C17orf67: variants seen among roughly 807,000 people sequenced by gnomAD.
C17orf67 encodes the protein uncharacterized protein C17orf67.
A neutral mutation model predicts 11.2 loss-of-function variants in C17orf67; 12 were observed. The ratio of observed to expected loss-of-function variants is 1.07; its 90% CI spans 0.68 to 1.73. The LOEUF (loss-of-function observed/expected upper bound fraction) is 1.73. Ranked by LOEUF, C17orf67 falls within the 40% of genes most tolerant of loss-of-function variation. The pLI, the probability that C17orf67 is intolerant of heterozygous loss-of-function variation, is 0.00. For synonymous variants in C17orf67, 59 were observed against 46.9 expected (o/e 1.26, Z -1.05); for missense variants, 115 against 113.5 (o/e 1.01, Z -0.06).
chr17:56,805,395 C>A (rs997170374), intron 6 of C17orf67, among the ~76,000 whole-genome samples: 4 of 152,098 alleles, frequency 2.6e-5, no homozygotes, highest in African/African-American at 7.2e-5. Context: ...GTTGCCTATA[C>A]AAAACCCTAC....
chr17:56,809,372 G>A (rs1039595102), intron 6 of C17orf67, among the ~76,000 whole-genome samples: 2 of 151,812 alleles, frequency 1.3e-5, no homozygotes, highest in Non-Finnish European at 2.9e-5. Flanking sequence ...ACAACCTGGC[G>A]ATGCCATCTG....
At chr17:56,823,079 G>A (rs1012583771) in intron 4 of C17orf67, among the ~76,000 whole-genome samples, 5 of 152,202 alleles carry the variant, frequency 3.3e-5, no homozygotes, top group African/African-American at 1.2e-4. Context: ...GCAGAATCAC[G>A]TAAGATGGGT....
chr17:56,793,016 G>T (rs1049825215), intron 7 of C17orf67, among the ~76,000 whole-genome samples: 1 of 151,058 alleles, frequency 6.6e-6, no homozygotes, highest in Non-Finnish European at 1.5e-5. Context: ...TGATGATGAT[G>T]ATGAAGAACA....
intron 2 of C17orf67, among the ~76,000 whole-genome samples, chr17:56,830,339 C>T (rs1328505145): frequency 2.0e-5 from 3 of 146,792 alleles, no homozygotes; most frequent in South Asian, 2.1e-4. Flanking sequence ...AGCGAGACTC[C>T]GTCTCAAAAA....
intron 4 of C17orf67, among the ~76,000 whole-genome samples, chr17:56,817,368 T>C (rs1212034016): frequency 1.3e-5 from 2 of 152,170 alleles, no homozygotes; most frequent in East Asian, 1.9e-4. Context: ...CATAAAGATA[T>C]TTTGAGCAGA....
chr17:56,814,737 C>T, intron 6 of C17orf67, 132 bp downstream of exon 6: 3 of 827,132 alleles, frequency 3.6e-6, no homozygotes, highest in Non-Finnish European at 6.1e-6. Flanking sequence ...ATTGAGATTG[C>T]AGCTATCTTC....
At chr17:56,823,390 G>C (rs550428937) in intron 4 of C17orf67, among the ~76,000 whole-genome samples, 1 of 151,650 alleles carries the variant, frequency 6.6e-6, no homozygotes, top group Non-Finnish European at 1.5e-5. Flanking sequence ...GAAAAGTAAA[G>C]ACAAAAAAGA....
chr17:56,815,882 T>C lies in C17orf67; in HGVS notation c.-72A>G, dbSNP rs769298437. ...GAGTCAGCCAACTTGAAGGAAGCCA[T>C]GCCAGGCCCTGCGCTTGTTTATGCT... On this transcript the variant is annotated 5_prime_UTR_variant, in exon 5 of 8. An upstream start codon of the reference 5' UTR is lost. Coordinates refer to ENST00000397861, the MANE Select transcript of C17orf67 (RefSeq NM_001085430.4). 2.5e-6 allele frequency: 4 copies of C among 1,607,224 alleles called. No homozygotes were observed. Among genetic ancestry groups the C allele is most frequent in the Non-Finnish European group, 3.4e-6 (4 of 1,176,194 alleles).
chr17:56,800,093 T>A (rs1905285548), intron 6 of C17orf67, among the ~76,000 whole-genome samples: 1 of 128,098 alleles, frequency 7.8e-6, no homozygotes, highest in Non-Finnish European at 1.6e-5. Flanking sequence ...TGAGACGGAG[T>A]CTCGCTCTGT....
chr17:56,805,124 G>C lies in C17orf67; in HGVS notation c.156+9745C>G, dbSNP rs115196366. ...AACAGTCTAGTAGACAGACATAAAA[G>C]AGTCAAAAATAGCAACCTTGCGCTG... On this transcript the variant is annotated intron_variant, in intron 6 of 7. Coordinates refer to ENST00000397861, the MANE Select transcript of C17orf67 (RefSeq NM_001085430.4). 6.3e-3 allele frequency among the ~76,000 whole-genome samples: 956 copies of C among 152,298 alleles called. 14 individuals carry two copies. Among genetic ancestry groups the C allele is most frequent in the African/African-American group, 0.022 (907 of 41,554 alleles).
chr17:56,815,323 G>A (rs1357258866), intron 5 of C17orf67, among the ~76,000 whole-genome samples: 2 of 152,058 alleles, frequency 1.3e-5, no homozygotes, highest in South Asian at 2.1e-4. Flanking sequence ...ACTAAATCAA[G>A]TTTAAAGTCA....
At chr17:56,809,019 G>A in intron 6 of C17orf67, among the ~76,000 whole-genome samples, 1 of 152,002 alleles carries the variant, frequency 6.6e-6, no homozygotes, top group East Asian at 1.9e-4. Flanking sequence ...CGGTGATTTA[G>A]TGTGGAGGGG....
intron 6 of C17orf67, among the ~76,000 whole-genome samples, chr17:56,800,442 G>A (rs1421080898): frequency 6.6e-6 from 1 of 152,118 alleles, no homozygotes; most frequent in Admixed American, 6.5e-5. Context: ...CTGGTCTCAG[G>A]AGAAAGTTCT....
At position 56,795,308 on chromosome 17, in the gene C17orf67, G is replaced by A. The variant is rs530031147; in HGVS notation, c.157-128C>T. 1.2e-4 allele frequency: 94 copies of A among 779,532 alleles called. No individual in the cohort carries two copies. The African/African-American group carries it at 1.4e-3, about 12-fold the overall frequency. 48.3% of individuals were successfully genotyped at this position (779,532 alleles called of 1,614,324 possible). A position where few individuals can be genotyped will look rare whatever the true frequency, so the allele number is the denominator to read the frequency against. ...GGACAGGCAGGGAGAAGAAATCAAC[G>A]GCCACACCCATGCCTCTCTGTAGGG... On this transcript the variant is annotated intron_variant, in intron 6 of 7. Coordinates refer to ENST00000397861, the MANE Select transcript of C17orf67 (RefSeq NM_001085430.4).
In C17orf67 at chr17:56,830,877, C is replaced by T. The variant is rs77820419; in HGVS notation, c.-557+2021G>A. 8.8e-3 allele frequency among the ~76,000 whole-genome samples: 1,343 copies of T among 152,212 alleles called. 22 individuals are homozygous for T. Among genetic ancestry groups the T allele is most frequent in the African/African-American group, 0.03 (1,243 of 41,522 alleles). Reference sequence around the variant, plus strand: ...GCAAGGCCTCTGTCGGGAGGGAGCACCTGGGCAACGAAGACATAGGGAAGA... The same window carrying T: ...GCAAGGCCTCTGTCGGGAGGGAGCATCTGGGCAACGAAGACATAGGGAAGA... On this transcript the variant is annotated intron_variant, in intron 2 of 7. Coordinates refer to ENST00000397861, the MANE Select transcript of C17orf67 (RefSeq NM_001085430.4).
intron 4 of C17orf67, among the ~76,000 whole-genome samples, chr17:56,818,640 CTTTTT>C (rs1236713145): frequency 6.6e-6 from 1 of 152,034 alleles, no homozygotes; most frequent in African/African-American, 2.4e-5. Context: ...TCAGTAGCCA[CTTTTT>C]TTAAGTAAAA....
chr17:56,812,824 G>GCTTCT (rs1365597087), intron 6 of C17orf67, among the ~76,000 whole-genome samples: 3 of 152,122 alleles, frequency 2.0e-5, no homozygotes, highest in Non-Finnish European at 4.4e-5. Context: ...AAACAGAGGA[G>GCTTCT]AAGCTTTCAG....
At chr17:56,828,588 T>C (rs908615851) in intron 2 of C17orf67, among the ~76,000 whole-genome samples, 5 of 152,188 alleles carry the variant, frequency 3.3e-5, no homozygotes, top group Admixed American at 2.0e-4. Context: ...CATATATACA[T>C]AGTTTCTAAC....
intron 6 of C17orf67, among the ~76,000 whole-genome samples, chr17:56,802,488 C>T (rs1421895308): frequency 6.6e-6 from 1 of 152,210 alleles, no homozygotes; most frequent in African/African-American, 2.4e-5. Flanking sequence ...CCTCCCTTAC[C>T]CCTTTATGGT....
Sources: gnomAD v4.1 joint callset for allele counts (sites outside exome capture counted in the v4.1 genomes callset) on GRCh38, gnomAD v4.1.1 for gene constraint, MANE v1.5 for transcripts, NCBI Gene and HGNC (gene_info 2026-07-23, HGNC 2026-07-21) for gene names.